Variants in DERL2 observed in about 807,000 individuals in gnomAD.
The protein encoded by DERL2 is derlin 2.
Under a neutral mutation model 32.0 loss-of-function variants are expected in DERL2, and 13 were observed. The observed-to-expected ratio is 0.41, with a 90% CI of 0.26 to 0.65. DERL2 has a LOEUF of 0.65. Among genes scored for constraint, DERL2 ranks in the 30% least tolerant of loss-of-function variants. The pLI, the probability that DERL2 is intolerant of heterozygous loss-of-function variation, is 0.35. For synonymous variants in DERL2, 111 were observed against 104.7 expected (o/e 1.06, Z -0.37); for missense variants, 208 against 296.3 (o/e 0.70, Z 2.19).
rs780934634 is a variant in DERL2, at chr17:5,474,763, T to G, written c.641A>C (p.Glu214Ala). The change falls in exon 7 of 7, where the codon GAG becomes GCG. Residue 214 changes from glutamate to alanine, a missense_variant. Around this residue, in one of 3 missense-constraint regions of DERL2, gnomAD observed 40 missense variants for 38.7 expected, o/e 1.03. Transcript: ENST00000158771. This position sits in a 1 kb window ranked among gnomAD's most constrained non-coding sequence, Gnocchi z 4.3. ...ILKAIFDTPD[E>A]DPNYNPLPEE... ...AGGTAGTGGATTGTAATTTGGATCC[T>G]CATCTGGTGTATCAAAAATAGCTTT... 5.6e-5 allele frequency: 90 copies of G among 1,613,596 alleles called. 1 individual carries two copies. The South Asian group carries it at 9.7e-4, about 17-fold the overall frequency.
At position 5,473,187 on chromosome 17, in the gene DERL2, T is replaced by G. The variant is rs1168960746; in HGVS notation, c.*1497A>C. 1 of 152,152 alleles carries G rather than the reference T, an allele frequency of 6.6e-6. No homozygotes were observed. The highest frequency in any genetic ancestry group is 1.5e-5 in the Non-Finnish European group (1 of 68,012). 9.4% of individuals were successfully genotyped at this position (152,152 alleles called of 1,614,324 possible). A position where few individuals can be genotyped will look rare whatever the true frequency, so the allele number is the denominator to read the frequency against. On this transcript the variant is annotated 3_prime_UTR_variant, in exon 7 of 7. Transcript: ENST00000158771. ...AGGTTGAATGAACTACTACTAACAA[T>G]CCACTTTTGGGAAAGGGACCTGTGC...
chr17:5,480,932 C>G (rs1905735233), intron 4 of DERL2: 1 of 490,344 alleles, frequency 2.0e-6, no homozygotes, highest in Non-Finnish European at 3.5e-6. Context: ...ACAAAACCAT[C>G]TTGTCAGACC....
Position 5,474,863 on chromosome 17 carries a change from G to T in DERL2, c.615-74C>A. The T allele has an allele frequency of 9.1e-7, 1 of 1,101,704 alleles. No individual in the cohort carries two copies. Among genetic ancestry groups the T allele is most frequent in the Non-Finnish European group, 1.3e-6 (1 of 757,754 alleles). 68.2% of individuals were successfully genotyped at this position (1,101,704 alleles called of 1,614,324 possible). On this transcript the variant is annotated intron_variant, in intron 6 of 6. Transcript: ENST00000158771. This position sits in a 1 kb window ranked among gnomAD's most constrained non-coding sequence, Gnocchi z 4.3. ...CCAAAGTACTACAAGGTCAGTTCAG[G>T]CCCCATAGGGTTTCCACCAATAGGT... is the stretch of plus-strand genomic sequence containing the variant.
chr17:5,474,495 G>A lies in DERL2; in HGVS notation c.*189C>T. On this transcript the variant is annotated 3_prime_UTR_variant, in exon 7 of 7. Transcript: ENST00000158771. This position sits in a 1 kb window ranked among gnomAD's most constrained non-coding sequence, Gnocchi z 4.3. Reference sequence around the variant, plus strand: ...AAATTACACTTTCAGTACCAGTGTAGTGAGGAACCACTGGCAAACTGTTGG... The same window carrying A: ...AAATTACACTTTCAGTACCAGTGTAATGAGGAACCACTGGCAAACTGTTGG... 2.0e-6 allele frequency: 1 copy of A among 512,710 alleles called. No individual in the cohort carries two copies. The highest frequency in any genetic ancestry group is 3.4e-6 in the Non-Finnish European group (1 of 291,218). 31.8% of individuals were successfully genotyped at this position (512,710 alleles called of 1,614,324 possible).
At chr17:5,484,114 A>G (rs778980131) in intron 2 of DERL2, among the ~76,000 whole-genome samples, 6 of 152,250 alleles carry the variant, frequency 3.9e-5, no homozygotes, top group Non-Finnish European at 8.8e-5. Flanking sequence ...CTAGAGTTCA[A>G]TGGATATAAA....
At chr17:5,480,910 A>G (rs1905733930) in intron 4 of DERL2, 1 of 483,508 alleles carries the variant, frequency 2.1e-6, no homozygotes, top group Admixed American at 3.8e-5. Flanking sequence ...GAGATGAATA[A>G]AGCTAGCTGG....
At chr17:5,486,016 G>A in intron 1 of DERL2, 53 bp downstream of exon 1, 2 of 1,534,730 alleles carry the variant, frequency 1.3e-6, no homozygotes, top group South Asian at 2.3e-5. Flanking sequence ...GTTTCCTGAA[G>A]ACCCAGTCAT....
At chr17:5,486,384 C>T (rs571373192), upstream of DERL2, 54 of 506,022 alleles carry the variant, frequency 1.1e-4, no homozygotes, top group Non-Finnish European at 1.8e-4. Flanking sequence ...ATCTCCCCAC[C>T]CTCTCTTCTC....
intron 6 of DERL2, among the ~76,000 whole-genome samples, chr17:5,479,398 T>C (rs974940325): frequency 2.7e-5 from 4 of 149,094 alleles, no homozygotes; most frequent in Non-Finnish European, 5.9e-5. Flanking sequence ...CTTTTTAATA[T>C]GGCATCTCCC....
intron 1 of DERL2, 176 bp downstream of exon 1, chr17:5,485,893 C>T (rs1906213844): frequency 6.1e-6 from 3 of 489,122 alleles, no homozygotes; most frequent in Non-Finnish European, 1.1e-5. Context: ...ACTCCCTTCT[C>T]GCGTCACTGG....
intron 6 of DERL2, among the ~76,000 whole-genome samples, chr17:5,477,722 C>A (rs8069978): frequency 0.44 from 67,373 of 151,836 alleles, 18,047 homozygotes; most frequent in African/African-American, 0.76. Context: ...TGGAGGAAAC[C>A]AATAGGAAAA....
intron 6 of DERL2, chr17:5,477,894 C>T (rs1048051910): frequency 6.6e-6 from 1 of 152,068 alleles, no homozygotes; most frequent in Non-Finnish European, 1.5e-5. Flanking sequence ...GGAATAGCAA[C>T]ACTCCAATAG....
At chr17:5,479,496 T>TAAAAA (rs11306765) in intron 6 of DERL2, among the ~76,000 whole-genome samples, 210 of 69,396 alleles carry the variant, frequency 3.0e-3, no homozygotes, top group African/African-American at 4.1e-3. Flanking sequence ...AGACTCCATG[T>TAAAAA]AAAAAAAAAA....
At chr17:5,477,558 C>T (rs1476758907) in intron 6 of DERL2, among the ~76,000 whole-genome samples, 1 of 152,118 alleles carries the variant, frequency 6.6e-6, no homozygotes, top group Non-Finnish European at 1.5e-5. Flanking sequence ...CATATAATGG[C>T]ACATACATTT....
At chr17:5,485,685 C>T (rs1216397239) in intron 1 of DERL2, among the ~76,000 whole-genome samples, 1 of 152,162 alleles carries the variant, frequency 6.6e-6, no homozygotes, top group African/African-American at 2.4e-5. Flanking sequence ...CCATTCCCCT[C>T]TCGACAGTTT....
chr17:5,485,576 C>A (rs1277154358), intron 1 of DERL2, among the ~76,000 whole-genome samples: 1 of 152,218 alleles, frequency 6.6e-6, no homozygotes, highest in Non-Finnish European at 1.5e-5. Flanking sequence ...AACAACAAAA[C>A]TCACTTGAAA....
At chr17:5,483,816 T>C (rs1905963205) in intron 2 of DERL2, among the ~76,000 whole-genome samples, 1 of 152,184 alleles carries the variant, frequency 6.6e-6, no homozygotes, top group Admixed American at 6.5e-5. Flanking sequence ...TAAAGCCAAG[T>C]AGGAAGCAAG....
chr17:5,485,979 C>G (rs758264421), intron 1 of DERL2, 90 bp downstream of exon 1: 3 of 1,234,420 alleles, frequency 2.4e-6, no homozygotes, highest in Non-Finnish European at 2.3e-6. Flanking sequence ...ACCAGCCCCT[C>G]TGGGCCTCCC....
intron 1 of DERL2, 21 bp from the exon 2 acceptor site, chr17:5,485,237 C>CT (rs772146288): frequency 6.6e-7 from 1 of 1,520,418 alleles, no homozygotes; most frequent in South Asian, 1.2e-5. Context: ...AAAAGAGCTT[C>CT]TTAAAGCAAA....
Sources: gnomAD v4.1 joint callset for allele counts (sites outside exome capture counted in the v4.1 genomes callset) on GRCh38, gnomAD v4.1.1 for gene constraint, gnomAD v4.1.1 regional missense constraint, Gnocchi (gnomAD v3.1) non-coding constraint, MANE v1.5 for transcripts, NCBI Gene and HGNC (gene_info 2026-07-23, HGNC 2026-07-21) for gene names.